Variants in EXT1 observed in about 807,000 individuals in gnomAD.
The protein encoded by EXT1 is exostosin-1.
In EXT1, 20 loss-of-function variants were observed where a neutral mutation model predicts 82.5. That is an observed-to-expected ratio of 0.24 (90% confidence interval 0.17 to 0.35). The LOEUF is 0.35. EXT1 is among the 10% of genes least tolerant of loss of function. EXT1 has a pLI of 1.00. For synonymous variants in EXT1, 348 were observed against 350.8 expected (o/e 0.99, Z 0.09); for missense variants, 757 against 936.5 (o/e 0.81, Z 2.50).
chr8:118,066,759 A>C (rs529015658), intron 1 of EXT1, among the ~76,000 whole-genome samples: 1 of 152,340 alleles, frequency 6.6e-6, no homozygotes, highest in South Asian at 2.1e-4. Flanking sequence ...CCAGTGAACA[A>C]CAGGCTATTC....
At chr8:118,053,687 A>G (rs1816753112) in intron 1 of EXT1, among the ~76,000 whole-genome samples, 1 of 152,176 alleles carries the variant, frequency 6.6e-6, no homozygotes. Flanking sequence ...TTACTGATTT[A>G]AGGTAGGTGC....
chr8:117,827,156 T>C (rs193025562), intron 4 of EXT1, among the ~76,000 whole-genome samples: 192 of 152,314 alleles, frequency 1.3e-3, no homozygotes, highest in African/African-American at 4.4e-3. Context: ...TATAATGTTT[T>C]TGGATAATAA....
chr8:117,889,783 T>C (rs1262404247), intron 1 of EXT1, among the ~76,000 whole-genome samples: 2 of 152,150 alleles, frequency 1.3e-5, no homozygotes, highest in Admixed American at 6.5e-5. Flanking sequence ...GAAAGCAATG[T>C]GCCAAAGTTA....
intron 1 of EXT1, among the ~76,000 whole-genome samples, chr8:117,877,248 C>T (rs569122324): frequency 1.3e-5 from 2 of 152,228 alleles, no homozygotes; most frequent in African/African-American, 4.8e-5. Flanking sequence ...TGAGAGAAGT[C>T]GCTGAATTAA....
intron 1 of EXT1, among the ~76,000 whole-genome samples, chr8:117,843,388 G>A (rs1194296115): frequency 2.0e-5 from 3 of 152,174 alleles, no homozygotes; most frequent in Non-Finnish European, 4.4e-5. Context: ...AGAAGCAATG[G>A]CCACATGTAG....
At chr8:117,815,226 G>A (rs577484243) in intron 7 of EXT1, among the ~76,000 whole-genome samples, 1 of 152,154 alleles carries the variant, frequency 6.6e-6, no homozygotes, top group Non-Finnish European at 1.5e-5. Context: ...GCCCACAGGG[G>A]AAAACTGCAA....
chr8:117,951,028 A>C (rs1814481342), intron 1 of EXT1, among the ~76,000 whole-genome samples: 1 of 152,250 alleles, frequency 6.6e-6, no homozygotes, highest in African/African-American at 2.4e-5. Context: ...TCAATGTCAG[A>C]AATAATAATA....
intron 3 of EXT1, among the ~76,000 whole-genome samples, chr8:117,834,830 G>A (rs1384802952): frequency 2.6e-5 from 4 of 151,878 alleles, no homozygotes. Context: ...ATATACAAAG[G>A]GCTTTAGAAA....
intron 1 of EXT1, among the ~76,000 whole-genome samples, chr8:118,088,729 A>G (rs538111430): frequency 1.4e-5 from 2 of 145,846 alleles, no homozygotes; most frequent in South Asian, 2.2e-4. Context: ...TTTACTTTTG[A>G]TCAAATCATG....
At chr8:118,051,986 C>G (rs1418194856) in intron 1 of EXT1, among the ~76,000 whole-genome samples, 1 of 152,212 alleles carries the variant, frequency 6.6e-6, no homozygotes, top group African/African-American at 2.4e-5. Flanking sequence ...GGTGTGGAAG[C>G]ATTTCTAAGT....
intron 1 of EXT1, among the ~76,000 whole-genome samples, chr8:117,860,458 C>T (rs1812662231): frequency 6.6e-6 from 1 of 152,188 alleles, no homozygotes; most frequent in Non-Finnish European, 1.5e-5. Context: ...CGCCACTATG[C>T]AGTATGTCCA....
At position 117,835,523 on chromosome 8, in the gene EXT1, T is replaced by C. The variant is rs527518789; in HGVS notation, c.1085A>G (p.Asn362Ser). 2.5e-6 allele frequency: 4 copies of C among 1,614,150 alleles called. No homozygotes were observed. In the South Asian group the frequency reaches 3.3e-5, roughly 13 times the overall value. Residue 362 changes from asparagine to serine, a missense_variant, in exon 3 of 11, where the codon AAT (asparagine) becomes AGT (serine). Asn to Ser is a conservative substitution (Grantham distance 46). Coordinates refer to ENST00000378204, the MANE Select transcript of EXT1 (RefSeq NM_000127.3). ...TTCAGAGAATGGCAACTCCCATCCA[T>C]TGCTGAGCATCACAGGGACGCAGGC... ...QAACVPVMLS[N>S]GWELPFSEVI...
At chr8:117,822,362 G>C in intron 5 of EXT1, 103 bp downstream of exon 5, 1 of 1,277,492 alleles carries the variant, frequency 7.8e-7, no homozygotes, top group Non-Finnish European at 1.1e-6. Context: ...CTTCAATGCA[G>C]GGTGTTAGAT....
chr8:117,964,621 GTGTGTT>G (rs1463644400), intron 1 of EXT1, among the ~76,000 whole-genome samples: 3 of 116,202 alleles, frequency 2.6e-5, no homozygotes, highest in South Asian at 2.6e-4. Flanking sequence ...CTGTGTGTGT[GTGTGTT>G]TGTTTGTTTG....
intron 1 of EXT1, among the ~76,000 whole-genome samples, chr8:117,939,996 G>A (rs1265878735): frequency 6.6e-6 from 1 of 152,218 alleles, no homozygotes; most frequent in Non-Finnish European, 1.5e-5. Flanking sequence ...CTAGGACATG[G>A]TGGCCCTTTT....
At chr8:118,091,833 T>C (rs1305243828) in intron 1 of EXT1, among the ~76,000 whole-genome samples, 1 of 152,160 alleles carries the variant, frequency 6.6e-6, no homozygotes, top group Non-Finnish European at 1.5e-5. Context: ...CTATTCAACA[T>C]TCTCTGTGTT....
intron 1 of EXT1, among the ~76,000 whole-genome samples, chr8:117,938,623 G>C (rs1419994063): frequency 6.6e-6 from 1 of 152,174 alleles, no homozygotes; most frequent in African/African-American, 2.4e-5. Flanking sequence ...AGTTCTCCTG[G>C]ACAGCTCCAT....
intron 1 of EXT1, among the ~76,000 whole-genome samples, chr8:117,856,731 A>G (rs1158912985): frequency 2.0e-5 from 3 of 152,186 alleles, no homozygotes; most frequent in African/African-American, 7.2e-5. Context: ...GCAGCAAGTT[A>G]TCCATAAGAT....
At chr8:118,006,308 T>C (rs1468070950) in intron 1 of EXT1, among the ~76,000 whole-genome samples, 3 of 152,188 alleles carry the variant, frequency 2.0e-5, no homozygotes, top group African/African-American at 7.2e-5. Flanking sequence ...GAGTCAAATA[T>C]GTTAGAATCA....
Sources: gnomAD v4.1 joint callset for allele counts (sites outside exome capture counted in the v4.1 genomes callset) on GRCh38, gnomAD v4.1.1 for gene constraint, MANE v1.5 for transcripts, NCBI Gene and HGNC (gene_info 2026-07-23, HGNC 2026-07-21) for gene names.